Variants in CADM2 observed in about 807,000 individuals in gnomAD.
CADM2 encodes the protein cell adhesion molecule 2.
In CADM2, 12 loss-of-function variants were observed where a neutral mutation model predicts 49.8. The observed-to-expected ratio is 0.24, with a 90% confidence interval of 0.15 to 0.39. CADM2 has a LOEUF of 0.39. Ranked by LOEUF, CADM2 falls within the 10% of genes least tolerant of loss-of-function variation. CADM2 has a pLI of 1.00. For missense variants in CADM2, 378 were observed against 492.3 expected, an observed-to-expected ratio of 0.77 and a Z score of 2.20; for synonymous variants, 214 against 175.4, an observed-to-expected ratio of 1.22 and a Z score of -1.74.
intron 3 of CADM2, among the ~76,000 whole-genome samples, chr3:85,861,678 G>T (rs2075539809): frequency 6.6e-6 from 1 of 152,092 alleles, no homozygotes; most frequent in Non-Finnish European, 1.5e-5. Flanking sequence ...TGTTGATGGT[G>T]ATAGTAATAA....
chr3:85,981,470 G>A (rs1727479623), intron 8 of CADM2, among the ~76,000 whole-genome samples: 1 of 151,446 alleles, frequency 6.6e-6, no homozygotes, highest in Admixed American at 6.6e-5. Flanking sequence ...AGTAAGCATA[G>A]TATGTGATAG....
intron 1 of CADM2, among the ~76,000 whole-genome samples, chr3:85,013,528 C>A (rs1345430633): frequency 1.3e-5 from 2 of 151,618 alleles, no homozygotes; most frequent in Admixed American, 1.3e-4. Context: ...AAATAGAATA[C>A]AAATTCTTGT....
At chr3:85,158,275 CAG>C (rs1473696457) in intron 1 of CADM2, among the ~76,000 whole-genome samples, 1 of 152,172 alleles carries the variant, frequency 6.6e-6, no homozygotes, top group Non-Finnish European at 1.5e-5. Flanking sequence ...TTGTGGAAGA[CAG>C]TGTGGCAATT....
intron 1 of CADM2, among the ~76,000 whole-genome samples, chr3:85,092,410 G>T (rs1426684455): frequency 2.0e-5 from 3 of 152,114 alleles, no homozygotes; most frequent in African/African-American, 7.2e-5. Flanking sequence ...AACACAAATT[G>T]TGGCCAGAGA....
At chr3:85,495,246 T>G (rs2039839942) in intron 1 of CADM2, among the ~76,000 whole-genome samples, 1 of 152,188 alleles carries the variant, frequency 6.6e-6, no homozygotes, top group Non-Finnish European at 1.5e-5. Context: ...GTTAATTTTC[T>G]TCTCTTCCAT....
intron 3 of CADM2, among the ~76,000 whole-genome samples, chr3:85,805,004 G>C (rs755228093): frequency 6.6e-6 from 1 of 152,046 alleles, no homozygotes; most frequent in African/African-American, 2.4e-5. Context: ...TCAGTGGCAC[G>C]ATCTTGGCTC....
At chr3:85,563,196 C>T (rs2062148576) in intron 1 of CADM2, among the ~76,000 whole-genome samples, 1 of 152,076 alleles carries the variant, frequency 6.6e-6, no homozygotes, top group African/African-American at 2.4e-5. Flanking sequence ...GGAACAGAGT[C>T]ACATAAAGTT....
At chr3:85,384,796 A>C (rs538103533) in intron 1 of CADM2, among the ~76,000 whole-genome samples, 28 of 152,066 alleles carry the variant, frequency 1.8e-4, no homozygotes, top group Non-Finnish European at 2.1e-4. Flanking sequence ...CTTTATAAAC[A>C]AAAGCTTTAA....
chr3:84,985,295 C>T (rs529251565), intron 1 of CADM2, among the ~76,000 whole-genome samples: 1 of 152,102 alleles, frequency 6.6e-6, no homozygotes, highest in South Asian at 2.1e-4. Context: ...TATGTGGGCA[C>T]TCTGGTCAGC....
intron 1 of CADM2, among the ~76,000 whole-genome samples, chr3:85,330,972 A>G (rs951797325): frequency 2.0e-5 from 3 of 152,008 alleles, no homozygotes; most frequent in Non-Finnish European, 4.4e-5. Flanking sequence ...AAAAATAATA[A>G]CAATCACTTT....
intron 1 of CADM2, among the ~76,000 whole-genome samples, chr3:85,700,901 C>T (rs1386878726): frequency 3.3e-5 from 5 of 152,172 alleles, no homozygotes; most frequent in Admixed American, 3.3e-4. Context: ...TACCCACTTC[C>T]AAAGTTCACA....
At chr3:85,097,393 C>T (rs1257632641) in intron 1 of CADM2, among the ~76,000 whole-genome samples, 1 of 152,176 alleles carries the variant, frequency 6.6e-6, no homozygotes, top group East Asian at 1.9e-4. Flanking sequence ...TTAATCCAGT[C>T]TATCATTGTT....
intron 3 of CADM2, among the ~76,000 whole-genome samples, chr3:85,808,660 T>C (rs2072614225): frequency 6.6e-6 from 1 of 152,184 alleles, no homozygotes; most frequent in Admixed American, 6.6e-5. Flanking sequence ...TGTTTTTATA[T>C]AAAAATGTAA....
chr3:85,400,276 G>T (rs2035030832), intron 1 of CADM2, among the ~76,000 whole-genome samples: 1 of 152,166 alleles, frequency 6.6e-6, no homozygotes, highest in African/African-American at 2.4e-5. Context: ...TGTTGAACCA[G>T]CCTTGCATCC....
rs577733586 is a variant in CADM2, at chr3:85,660,558, G to A, written c.62-65964G>A. On this transcript the variant is annotated intron_variant, in intron 1 of 9. Transcript: ENST00000383699. The stretch of plus-strand genomic sequence containing the variant: ...CTCCCCTTCAGTTCATAGATGTGTC[G>A]TACACTGAATGGAGGAATCAGACTA... Among the ~76,000 whole-genome samples, 15 of 151,356 alleles carry A rather than the reference G, an allele frequency of 9.9e-5. No individual in the cohort carries two copies. The South Asian group carries it at 1.9e-3, about 19-fold the overall frequency.
intron 1 of CADM2, among the ~76,000 whole-genome samples, chr3:85,188,501 A>G (rs2041120080): frequency 6.6e-6 from 1 of 152,138 alleles, no homozygotes; most frequent in Admixed American, 6.5e-5. Context: ...ATTTTTATAA[A>G]TATAGCAATT....
At chr3:85,005,843 G>A (rs1251940573) in intron 1 of CADM2, among the ~76,000 whole-genome samples, 1 of 152,044 alleles carries the variant, frequency 6.6e-6, no homozygotes, top group East Asian at 1.9e-4. Flanking sequence ...ACTCTGAGGA[G>A]TTTAGCAATG....
chr3:85,617,514 C>A (rs1038033746), intron 1 of CADM2, among the ~76,000 whole-genome samples: 1 of 152,100 alleles, frequency 6.6e-6, no homozygotes, highest in African/African-American at 2.4e-5. Flanking sequence ...TGTGTTCATC[C>A]AGAAGCTCTC....
intron 1 of CADM2, among the ~76,000 whole-genome samples, chr3:85,692,550 C>T (rs554926118): frequency 6.6e-6 from 1 of 152,214 alleles, no homozygotes; most frequent in South Asian, 2.1e-4. Context: ...TAACCTTCAG[C>T]CCTTGAATTT....
Sources: gnomAD v4.1 joint callset for allele counts (sites outside exome capture counted in the v4.1 genomes callset) on GRCh38, gnomAD v4.1.1 for gene constraint, MANE v1.5 for transcripts, NCBI Gene and HGNC (gene_info 2026-07-23, HGNC 2026-07-21) for gene names.